RABGEF1: variants seen among roughly 807,000 people sequenced by gnomAD.
RABGEF1 encodes the protein RAB guanine nucleotide exchange factor 1.
RABGEF1 carries 26 observed loss-of-function variants against 57.3 expected under a neutral mutation model. That is an observed-to-expected ratio of 0.45 (90% CI 0.33 to 0.63). The LOEUF (loss-of-function observed/expected upper bound fraction) is 0.63. Ranked by LOEUF, RABGEF1 falls within the 20% of genes least tolerant of loss-of-function variation. The pLI is 0.02. For synonymous variants in RABGEF1, 185 were observed against 210.7 expected, an observed-to-expected ratio of 0.88 and a Z score of 1.06; for missense variants, 464 against 607.6, an observed-to-expected ratio of 0.76 and a Z score of 2.48.
chr7:66,664,997 C>T, the RABGEF1 span, among the ~76,000 whole-genome samples: 2 of 152,258 alleles, frequency 1.3e-5, no homozygotes, highest in African/African-American at 2.4e-5. Flanking sequence ...TTCCTGCGCT[C>T]ATGAGCTGGC....
intron 1 of RABGEF1, among the ~76,000 whole-genome samples, chr7:66,749,404 C>G (rs1800918598): frequency 6.6e-6 from 1 of 152,186 alleles, no homozygotes; most frequent in Admixed American, 6.5e-5. Context: ...ATCCATAAAG[C>G]TTTTGACATT....
chr7:66,738,012 TTG>T (rs201775603), upstream of RABGEF1, among the ~76,000 whole-genome samples: 868 of 134,250 alleles, frequency 6.5e-3, 25 homozygotes, highest in South Asian at 0.089. Flanking sequence ...GTTGTGTTTT[TTG>T]TTTTTTTTGT....
In RABGEF1 at chr7:66,775,182, C is replaced by T. The variant is rs1354256720; in HGVS notation, c.180-45C>T. On this transcript the variant is annotated intron_variant, in intron 2 of 8. Transcript: ENST00000284957. The stretch of plus-strand genomic sequence containing the variant: ...GTAATAACCTTCACATACAGAGAAA[C>T]CTTGGAGAATATCTAGGTCATTCTA... 5.1e-6 allele frequency: 8 copies of T among 1,561,032 alleles called. No homozygotes were observed. In the South Asian group the frequency reaches 9.6e-5, roughly 19 times the overall value.
In RABGEF1 at chr7:66,722,969, C is replaced by A. The variant is rs551569569; in HGVS notation, c.-815+10745C>A. Among the ~76,000 whole-genome samples the A allele has an allele frequency of 4.0e-5, 6 of 151,884 alleles. No individual in the cohort carries two copies. The East Asian group carries it at 1.2e-3, about 29-fold the overall frequency. ...GTCTTCTTTAATTACTGTTTCTTTT[C>A]TTTTTTTCTTTTTTTTTGAGATGGA... is the stretch of plus-strand genomic sequence containing the variant. On this transcript the variant is annotated intron_variant and NMD_transcript_variant, in intron 2 of 9. Coordinates refer to the RABGEF1 transcript ENST00000607882.
intron 1 of RABGEF1, among the ~76,000 whole-genome samples, chr7:66,743,236 A>G (rs768114168): frequency 3.3e-5 from 5 of 151,364 alleles, no homozygotes; most frequent in Admixed American, 6.6e-5. Context: ...GAACCTAGCA[A>G]TTCTAGGAGG....
intron 2 of RABGEF1, among the ~76,000 whole-genome samples, chr7:66,721,548 T>C (rs1221448997): frequency 6.6e-6 from 1 of 152,212 alleles, no homozygotes; most frequent in Non-Finnish European, 1.5e-5. Context: ...CCCTTTGCTC[T>C]GGCACTTATC....
intron 1 of RABGEF1, among the ~76,000 whole-genome samples, chr7:66,746,046 C>A (rs1800146149): frequency 6.6e-6 from 1 of 152,174 alleles, no homozygotes; most frequent in South Asian, 2.1e-4. Flanking sequence ...GTAGAAACAT[C>A]ATGTGTGTTG....
In RABGEF1 at chr7:66,768,072, C is replaced by T. The variant is rs1043692325; in HGVS notation, c.-17-3811C>T. ...TCATCACAAATATTGCTACTATAAC[C>T]GTTTGCGTATAGAATTTTGTAAATA... On this transcript the variant is annotated intron_variant, in intron 1 of 8. Transcript: ENST00000284957. 5.3e-5 allele frequency among the ~76,000 whole-genome samples: 8 copies of T among 152,280 alleles called. No individual in the cohort carries two copies. In the East Asian group the frequency reaches 1.3e-3, roughly 26 times the overall value.
In RABGEF1 at chr7:66,787,336, ATT is replaced by A. The variant is rs973607816; in HGVS notation, c.513+3519_513+3520del. Among the ~76,000 whole-genome samples the A allele has an allele frequency of 1.7e-3, 147 of 88,098 alleles. 1 individual carries two copies. The highest frequency in any genetic ancestry group is 1.7e-3 in the Non-Finnish European group (77 of 44,936). 57.8% of individuals were successfully genotyped at this position (88,098 alleles called of 152,430 possible). On this transcript the variant is annotated intron_variant, in intron 4 of 8. Coordinates refer to ENST00000284957, the MANE Select transcript of RABGEF1 (RefSeq NM_014504.3). ...GAAGTGAGCCACCATGCCTGGCCTGATTTTTTTTTTTTTTTTTTTTTTTTTAA... is the reference window on the plus strand; with the variant it reads ...GAAGTGAGCCACCATGCCTGGCCTGATTTTTTTTTTTTTTTTTTTTTTTAA...
intron 1 of RABGEF1, among the ~76,000 whole-genome samples, chr7:66,693,997 C>T (rs559067895): frequency 9.0e-4 from 137 of 152,172 alleles, no homozygotes; most frequent in South Asian, 1.5e-3. Flanking sequence ...TTAGTAGAGA[C>T]GGGGTTTCAC....
intron 1 of RABGEF1, among the ~76,000 whole-genome samples, chr7:66,684,209 G>A (rs1373219002): frequency 6.6e-6 from 1 of 152,142 alleles, no homozygotes; most frequent in Non-Finnish European, 1.5e-5. Context: ...ACTTTGGGAG[G>A]CCGAGGCGGT....
At chr7:66,662,101 C>T in the RABGEF1 span, among the ~76,000 whole-genome samples, 9 of 152,076 alleles carry the variant, frequency 5.9e-5, no homozygotes, top group East Asian at 9.7e-4. Flanking sequence ...TAGCCGGGCA[C>T]GGTGGCAGAC....
At chr7:66,763,735 A>G (rs898704063) in intron 1 of RABGEF1, among the ~76,000 whole-genome samples, 3 of 152,188 alleles carry the variant, frequency 2.0e-5, no homozygotes, top group African/African-American at 7.2e-5. Context: ...GGAATCATAT[A>G]ATGTGTGGTG....
chr7:66,663,720 A>G, the RABGEF1 span, among the ~76,000 whole-genome samples: 1 of 152,044 alleles, frequency 6.6e-6, no homozygotes, highest in Non-Finnish European at 1.5e-5. Flanking sequence ...GTGCACATAT[A>G]CCCTAAAACT....
At chr7:66,708,095 A>G (rs1017964312) in intron 1 of RABGEF1, among the ~76,000 whole-genome samples, 1 of 152,124 alleles carries the variant, frequency 6.6e-6, no homozygotes, top group African/African-American at 2.4e-5. Flanking sequence ...CTCCCAGTCT[A>G]TATGCCATTT....
Position 66,809,372 on chromosome 7 carries a change from A to G in RABGEF1, c.*88A>G. On this transcript the variant is annotated 3_prime_UTR_variant, in exon 9 of 9. Transcript: ENST00000284957. ...CTGATTGGGATCTAGAATGTAACTA[A>G]ATTGCTTATAAATGTCAGCATTTTT... The G allele has an allele frequency of 7.4e-7, 1 of 1,343,946 alleles. No homozygotes were observed. The highest frequency in any genetic ancestry group is 9.7e-7 in the Non-Finnish European group (1 of 1,025,788). 83.3% of individuals were successfully genotyped at this position (1,343,946 alleles called of 1,614,324 possible). A position where few individuals can be genotyped will look rare whatever the true frequency, so the allele number is the denominator to read the frequency against.
intron 7 of RABGEF1, among the ~76,000 whole-genome samples, chr7:66,802,585 TCA>T (rs1787536053): frequency 6.6e-6 from 1 of 152,216 alleles, no homozygotes; most frequent in African/African-American, 2.4e-5. Context: ...TGCTTTCTCC[TCA>T]CATGTCTCCT....
rs533127453 is a variant in RABGEF1 at position 66,715,052 on chromosome 7, T to C, written c.-815+2828T>C. 2.7e-3 allele frequency among the ~76,000 whole-genome samples: 408 copies of C among 151,906 alleles called. 1 individual carries two copies. Among genetic ancestry groups the C allele is most frequent in the African/African-American group, 9.5e-3 (392 of 41,458 alleles). The stretch of plus-strand genomic sequence containing the variant: ...TTTCTTCTTCACTACTTCTTCTCCT[T>C]CTCTTTCTCTTTTTCCTTCTCTTTC... On this transcript the variant is annotated intron_variant and NMD_transcript_variant, in intron 2 of 9. Coordinates refer to the RABGEF1 transcript ENST00000607882.
upstream of RABGEF1, among the ~76,000 whole-genome samples, chr7:66,738,680 C>T (rs1442322693): frequency 1.4e-5 from 2 of 145,470 alleles, no homozygotes; most frequent in Middle Eastern, 4.2e-3. Flanking sequence ...TGGAGTGCGC[C>T]GAGATTGCAC....
Sources: gnomAD v4.1 joint callset for allele counts (sites outside exome capture counted in the v4.1 genomes callset) on GRCh38, gnomAD v4.1.1 for gene constraint, MANE v1.5 for transcripts, NCBI Gene and HGNC (gene_info 2026-07-23, HGNC 2026-07-21) for gene names.